IQSEC3: variants seen among roughly 807,000 people sequenced by gnomAD.
IQSEC3 encodes IQ motif and SEC7 domain-containing protein 3.
A neutral mutation model predicts 105.4 loss-of-function variants in IQSEC3; 50 were observed. That is an observed-to-expected ratio of 0.47 (90% confidence interval 0.38 to 0.60). IQSEC3 has a LOEUF of 0.60. Ranked by LOEUF, IQSEC3 falls within the 20% of genes least tolerant of loss-of-function variation. IQSEC3 has a pLI of 0.00. For missense variants in IQSEC3, 1,415 were observed against 1,630.0 expected, an observed-to-expected ratio of 0.87 and a Z score of 2.27; for synonymous variants, 708 against 746.0, an observed-to-expected ratio of 0.95 and a Z score of 0.83.
intron 3 of IQSEC3, among the ~76,000 whole-genome samples, chr12:127,471 G>C (rs1865453841): frequency 6.6e-6 from 1 of 152,016 alleles, no homozygotes. Flanking sequence ...AGCCAAGATT[G>C]CACCACAGCA....
At position 141,299 on chromosome 12, in the gene IQSEC3, A is replaced by G. The variant is rs928832252; in HGVS notation, c.2153+14A>G. The G allele has an allele frequency of 1.2e-6, 2 of 1,602,150 alleles. No homozygotes were observed. Among genetic ancestry groups the G allele is most frequent in the Admixed American group, 3.4e-5 (2 of 59,700 alleles). ...CGACGTGCTGGAGTGAGTACCCCAC[A>G]CTCCGGGCTTTCCCCACTCCTTCCC... is the stretch of plus-strand genomic sequence containing the variant. On this transcript the variant is annotated intron_variant, in intron 5 of 13. Transcript: ENST00000538872.
In IQSEC3 at chr12:143,610, GA is replaced by G. The variant is rs1555089986; in HGVS notation, c.2153+2326del. Reference sequence around the variant, plus strand: ...CATGCAGGGCAGTGCTGGGGTGCCAGAGTTCATGCAGGGCAGTGCTGGGGTG... The same window carrying G: ...CATGCAGGGCAGTGCTGGGGTGCCAGGTTCATGCAGGGCAGTGCTGGGGTG... On this transcript the variant is annotated intron_variant, in intron 5 of 13. Coordinates refer to ENST00000538872, the MANE Select transcript of IQSEC3 (RefSeq NM_001170738.2). 9.4e-3 allele frequency: 1,609 copies of G among 171,246 alleles called. 28 individuals are homozygous for G. The highest frequency in any genetic ancestry group is 0.037 in the African/African-American group (1,534 of 41,056). The allele number at this position is 171,246 out of a possible 1,614,324, so 10.6% of individuals were successfully genotyped here.
rs80270906 is a variant in IQSEC3 at position 91,687 on chromosome 12, G to A, written c.555-7459G>A. Reference sequence around the variant, plus strand: ...CCAACTACTTGGGAGCATTGCTTGAGCCTGGGAGGTTGGAGGTTGGAGGTT... The same window carrying A: ...CCAACTACTTGGGAGCATTGCTTGAACCTGGGAGGTTGGAGGTTGGAGGTT... On this transcript the variant is annotated intron_variant, in intron 1 of 13. Coordinates refer to ENST00000538872, the MANE Select transcript of IQSEC3 (RefSeq NM_001170738.2). Among the ~76,000 whole-genome samples, 635 of 152,314 alleles carry A rather than the reference G, an allele frequency of 4.2e-3. 4 individuals are homozygous for A. Among genetic ancestry groups the A allele is most frequent in the East Asian group, 0.027 (139 of 5,176 alleles).
chr12:143,860 T>TG (rs1765377542), intron 5 of IQSEC3: 1 of 159,204 alleles, frequency 6.3e-6, no homozygotes, highest in South Asian at 1.7e-4. Context: ...TGTGTGTGTG[T>TG]GTGTGTGAAG....
At chr12:170,002 C>G (rs1938889449) in intron 12 of IQSEC3, among the ~76,000 whole-genome samples, 1 of 152,246 alleles carries the variant, frequency 6.6e-6, no homozygotes, top group South Asian at 2.1e-4. Context: ...GGTCCATGAC[C>G]CGCCACAGTC....
At chr12:130,943 T>C (rs1865567854) in intron 3 of IQSEC3, among the ~76,000 whole-genome samples, 1 of 150,698 alleles carries the variant, frequency 6.6e-6, no homozygotes. Context: ...TGGGAAGTCT[T>C]GGATGGGAAC....
intron 13 of IQSEC3, among the ~76,000 whole-genome samples, chr12:172,459 G>C (rs1939057829): frequency 6.6e-6 from 1 of 152,116 alleles, no homozygotes; most frequent in South Asian, 2.1e-4. Context: ...ACCCAGGGAG[G>C]ACAACCAACC....
intron 2 of IQSEC3, among the ~76,000 whole-genome samples, chr12:116,455 T>C (rs183236035): frequency 6.6e-6 from 1 of 152,338 alleles, no homozygotes; most frequent in East Asian, 1.9e-4. Flanking sequence ...AGCTATTCTT[T>C]TGTGGTTCCT....
chr12:137,846 G>A (rs1208689610), intron 3 of IQSEC3, among the ~76,000 whole-genome samples: 4 of 149,648 alleles, frequency 2.7e-5, no homozygotes, highest in Non-Finnish European at 5.9e-5. Flanking sequence ...TTTTTCAAGA[G>A]AGAGACAAGG....
chr12:109,307 A>G (rs982766768), intron 2 of IQSEC3, among the ~76,000 whole-genome samples: 1 of 152,126 alleles, frequency 6.6e-6, no homozygotes, highest in South Asian at 2.1e-4. Flanking sequence ...CACAGTCCCC[A>G]TCCAGCCCTG....
chr12:129,703 T>C (rs1865526931), intron 3 of IQSEC3, among the ~76,000 whole-genome samples: 2 of 152,108 alleles, frequency 1.3e-5, no homozygotes, highest in South Asian at 4.1e-4. Flanking sequence ...GCCATCTGAA[T>C]TGCAGAGCCC....
At chr12:150,462 A>C (rs1866461100) in intron 5 of IQSEC3, among the ~76,000 whole-genome samples, 1 of 152,136 alleles carries the variant, frequency 6.6e-6, no homozygotes. Flanking sequence ...GTGGTTGTTG[A>C]GAGGGGGATA....
rs769272000 is a variant in IQSEC3 at position 174,676 on chromosome 12, G to T, written c.3192G>T (p.Pro1064=). ...CCGAGAGGGGAGCGCCGGTGCCGCC[G>T]CCAGACCTGCAGCCTAGCCCCCCGA... ...LGAERGAPVP[P]PDLQPSPPRQ... The change falls in exon 14 of 14, where the codon CCG becomes CCT. Residue 1064 remains proline, a synonymous_variant. Coordinates refer to ENST00000538872, the MANE Select transcript of IQSEC3 (RefSeq NM_001170738.2). 1 of 1,590,804 alleles carries T rather than the reference G, an allele frequency of 6.3e-7. No homozygotes were observed. The highest frequency in any genetic ancestry group is 8.5e-7 in the Non-Finnish European group (1 of 1,175,942).
At chr12:149,660 G>A (rs1866427096) in intron 5 of IQSEC3, among the ~76,000 whole-genome samples, 1 of 152,204 alleles carries the variant, frequency 6.6e-6, no homozygotes, top group Non-Finnish European at 1.5e-5. Context: ...AGACAGGCAG[G>A]CAAATGTTAT....
At position 138,702 on chromosome 12, in the gene IQSEC3, C is replaced by A. The variant is rs1555087554; in HGVS notation, c.1339C>A (p.Pro447Thr). The change falls in exon 4 of 14, where the codon CCA (proline) becomes ACA (threonine). Residue 447 changes from proline (P) to threonine (T), a missense_variant. Coordinates refer to ENST00000538872, the MANE Select transcript of IQSEC3 (RefSeq NM_001170738.2). The surrounding 1 kb of genome is among the most constrained non-coding windows in gnomAD (Gnocchi z 7.1). ...GGCCCTGCAGGCGGCCGCGGGGCCCCCAGGCCTGGAGGCCGAGGGGCGGGC... is the reference window on the plus strand; with the variant it reads ...GGCCCTGCAGGCGGCCGCGGGGCCCACAGGCCTGGAGGCCGAGGGGCGGGC... ...HQALQAAAGP[P>T]GLEAEGRAPE... The A allele has an allele frequency of 2.0e-6, 3 of 1,526,586 alleles. No homozygotes were observed. The Admixed American group carries it at 6.0e-5, about 31-fold the overall frequency. 94.6% of individuals were successfully genotyped at this position (1,526,586 alleles called of 1,614,324 possible).
intron 2 of IQSEC3, among the ~76,000 whole-genome samples, chr12:100,312 A>T (rs7137103): frequency 0.56 from 85,561 of 152,028 alleles, 24,423 homozygotes; most frequent in East Asian, 0.83. Context: ...GTCACAGAGC[A>T]AGGACCAGTG....
Position 67,063 on chromosome 12 carries a change from C to G in IQSEC3, c.181C>G (p.Gln61Glu). The change falls in exon 1 of 14, where the codon CAA becomes GAA. Residue 61 changes from glutamine (Q) to glutamate (E), a missense_variant. By Grantham distance (29) the Gln-to-Glu change is conservative. Transcript: ENST00000538872. ...RSLWEHQQLLQAQPPPGLVPP... is the reference protein window; with the variant it reads ...RSLWEHQQLLEAQPPPGLVPP... ...CCTGTGGGAGCACCAGCAGCTGCTG[C>G]AAGCCCAGCCTCCGCCCGGGCTCGT... is the stretch of plus-strand genomic sequence containing the variant. 6.5e-7 allele frequency: 1 copy of G among 1,530,544 alleles called. No individual in the cohort carries two copies. Among genetic ancestry groups the G allele is most frequent in the Non-Finnish European group, 8.7e-7 (1 of 1,145,016 alleles). The allele number at this position is 1,530,544 out of a possible 1,614,324, so 94.8% of individuals were successfully genotyped here. A position where few individuals can be genotyped will look rare whatever the true frequency, so the allele number is the denominator to read the frequency against.
Position 124,621 on chromosome 12 carries a change from G to A in IQSEC3, c.624-1012G>A, listed in dbSNP as rs1459344206. Among the ~76,000 whole-genome samples the A allele has an allele frequency of 3.9e-5, 6 of 152,264 alleles. No individual in the cohort carries two copies. The East Asian group carries it at 9.7e-4, about 25-fold the overall frequency. On this transcript the variant is annotated intron_variant, in intron 2 of 13. Coordinates refer to ENST00000538872, the MANE Select transcript of IQSEC3 (RefSeq NM_001170738.2). ...AATTTGAGGCCATGGTGTTAACCAC[G>A]ATGACTCTCCTCCTCTGGGAAATAG...
chr12:149,046 A>C (rs536343377), intron 5 of IQSEC3: 1 of 152,316 alleles, frequency 6.6e-6, no homozygotes, highest in African/African-American at 2.4e-5. Context: ...CGCACAGATC[A>C]ATGTTAACAA....
Sources: allele counts gnomAD v4.1 joint callset (sites outside exome capture counted in the v4.1 genomes callset), GRCh38; gene constraint gnomAD v4.1.1; non-coding constraint Gnocchi (gnomAD v3.1); transcripts MANE v1.5; gene names NCBI Gene and HGNC (gene_info 2026-07-23, HGNC 2026-07-21).